The following UMAD1 variants were observed in gnomAD, a reference collection of about 807,000 sequenced individuals.
The protein encoded by UMAD1 is UBAP1-MVB12-associated (UMA) domain containing 1.
In UMAD1, 8 loss-of-function variants were observed where a neutral mutation model predicts 6.1. The observed-to-expected ratio is 1.30, with a 90% confidence interval of 0.76 to 2.35. The LOEUF is 2.35. Among genes scored for constraint, UMAD1 ranks in the 30% most tolerant of loss-of-function variants. UMAD1 has a pLI of 0.00. For synonymous variants in UMAD1, 56 were observed against 31.4 expected (o/e 1.78, Z -2.61); for missense variants, 130 against 78.4 (o/e 1.66, Z -2.49).
chr7:7,783,879 C>G (rs1782402148), intron 2 of UMAD1, among the ~76,000 whole-genome samples: 2 of 152,148 alleles, frequency 1.3e-5, no homozygotes, highest in Admixed American at 6.5e-5. Flanking sequence ...AGACCAAAGA[C>G]TGACACGGTA....
At chr7:7,859,487 A>C (rs527318607) in intron 3 of UMAD1, among the ~76,000 whole-genome samples, 1 of 152,292 alleles carries the variant, frequency 6.6e-6, no homozygotes, top group Admixed American at 6.5e-5. Context: ...ATATTGATTT[A>C]AGTACTATTT....
At chr7:7,777,962 T>C (rs1239487167) in intron 2 of UMAD1, among the ~76,000 whole-genome samples, 1 of 152,150 alleles carries the variant, frequency 6.6e-6, no homozygotes, top group African/African-American at 2.4e-5. Context: ...TGCTCTCCCC[T>C]TATTAAAAGG....
intron 2 of UMAD1, among the ~76,000 whole-genome samples, chr7:7,710,711 A>G (rs1005511887): frequency 6.6e-6 from 1 of 152,236 alleles, no homozygotes; most frequent in African/African-American, 2.4e-5. Context: ...ATCCCAGAGA[A>G]ATTGAAGACG....
intron 2 of UMAD1, chr7:7,685,898 A>G (rs750006008): frequency 1.3e-5 from 2 of 152,106 alleles, no homozygotes; most frequent in Non-Finnish European, 2.9e-5. Flanking sequence ...TCTTTTTTTG[A>G]TTGTAGTAAT....
At chr7:7,746,709 G>A (rs928429631) in intron 2 of UMAD1, among the ~76,000 whole-genome samples, 1 of 152,234 alleles carries the variant, frequency 6.6e-6, no homozygotes, top group African/African-American at 2.4e-5. Flanking sequence ...ATTATCTGGT[G>A]CAGAATGTGG....
intron 2 of UMAD1, among the ~76,000 whole-genome samples, chr7:7,761,363 T>TAAAAAAAA (rs375910269): frequency 3.3e-5 from 4 of 121,132 alleles, no homozygotes; most frequent in South Asian, 2.6e-4. Context: ...GAGACCTAAC[T>TAAAAAAAA]AAAAAAAAAA....
chr7:7,822,913 A>G (rs946430711), intron 3 of UMAD1, among the ~76,000 whole-genome samples: 32 of 152,208 alleles, frequency 2.1e-4, no homozygotes, highest in African/African-American at 7.5e-4. Context: ...GTGTTTAGAA[A>G]AATTTTCATG....
At chr7:7,765,830 A>C (rs17137480) in intron 2 of UMAD1, among the ~76,000 whole-genome samples, 3 of 152,180 alleles carry the variant, frequency 2.0e-5, no homozygotes, top group African/African-American at 7.2e-5. Context: ...GCATATATCT[A>C]TCTGGTTTTA....
chr7:7,832,547 A>G (rs1783487045), intron 3 of UMAD1, among the ~76,000 whole-genome samples: 1 of 152,132 alleles, frequency 6.6e-6, no homozygotes, highest in Non-Finnish European at 1.5e-5. Flanking sequence ...TGTTATAGCC[A>G]TTTGTCTCCA....
At chr7:7,765,847 G>C (rs954866535) in intron 2 of UMAD1, among the ~76,000 whole-genome samples, 1 of 152,124 alleles carries the variant, frequency 6.6e-6, no homozygotes, top group Non-Finnish European at 1.5e-5. Context: ...TTTATAAATA[G>C]AATGTTCTAC....
At chr7:7,759,484 T>G (rs1781842622) in intron 2 of UMAD1, among the ~76,000 whole-genome samples, 1 of 152,218 alleles carries the variant, frequency 6.6e-6, no homozygotes, top group African/African-American at 2.4e-5. Flanking sequence ...TGACTGAGAA[T>G]TTACAAGGCC....
At chr7:7,766,335 T>G (rs1258167790) in intron 2 of UMAD1, among the ~76,000 whole-genome samples, 1 of 152,204 alleles carries the variant, frequency 6.6e-6, no homozygotes, top group Non-Finnish European at 1.5e-5. Context: ...GAAATAAAAC[T>G]TCTACTGTTT....
At position 7,676,465 on chromosome 7, in the gene UMAD1, T is replaced by G. The variant is rs565559946; in HGVS notation, c.82+3012T>G. On this transcript the variant is annotated intron_variant, in intron 2 of 3. Transcript: ENST00000682710. ...CTTCAGAACCTATCCTCTAAACCAC[T>G]GAACTATCCATCTTTTTGTAAAAAA... 2.6e-5 allele frequency among the ~76,000 whole-genome samples: 4 copies of G among 152,340 alleles called. No individual in the cohort carries two copies. In the East Asian group the frequency reaches 7.7e-4, roughly 29 times the overall value.
At chr7:7,779,476 C>T (rs965079654) in intron 2 of UMAD1, among the ~76,000 whole-genome samples, 5 of 151,900 alleles carry the variant, frequency 3.3e-5, no homozygotes, top group African/African-American at 9.7e-5. Flanking sequence ...TCACTATGTT[C>T]CCCAGTCTGG....
At chr7:7,784,345 T>C (rs1015479135) in intron 2 of UMAD1, among the ~76,000 whole-genome samples, 50 of 151,100 alleles carry the variant, frequency 3.3e-4, no homozygotes, top group African/African-American at 1.1e-3. Flanking sequence ...CTGTTTTTTT[T>C]TTTTTTTTGA....
intron 2 of UMAD1, among the ~76,000 whole-genome samples, chr7:7,753,818 A>C (rs1781724558): frequency 6.6e-6 from 1 of 152,074 alleles, no homozygotes; most frequent in South Asian, 2.1e-4. Context: ...ATCATATGGT[A>C]GCTCTATTTT....
chr7:7,855,386 T>C (rs1783996666), intron 3 of UMAD1, among the ~76,000 whole-genome samples: 1 of 152,236 alleles, frequency 6.6e-6, no homozygotes, highest in African/African-American at 2.4e-5. Flanking sequence ...CATACATCCT[T>C]TGAAATCTAG....
At chr7:7,801,467 A>G (rs1348387077) in intron 2 of UMAD1, among the ~76,000 whole-genome samples, 2 of 152,218 alleles carry the variant, frequency 1.3e-5, no homozygotes, top group Non-Finnish European at 1.5e-5. Context: ...TTGTGTGTGT[A>G]TGTATTTATG....
At chr7:7,699,682 T>C (rs569515774) in intron 2 of UMAD1, among the ~76,000 whole-genome samples, 3 of 152,226 alleles carry the variant, frequency 2.0e-5, no homozygotes, top group Non-Finnish European at 4.4e-5. Flanking sequence ...TAAAGCTATA[T>C]TGAGTGAGGG....
Sources: gnomAD v4.1 joint callset for allele counts (sites outside exome capture counted in the v4.1 genomes callset) on GRCh38, gnomAD v4.1.1 for gene constraint, MANE v1.5 for transcripts, NCBI Gene and HGNC (gene_info 2026-07-23, HGNC 2026-07-21) for gene names.